The following FCHSD2 variants were observed in gnomAD, a reference collection of about 807,000 sequenced individuals.
FCHSD2 encodes F-BAR and double SH3 domains protein 2.
FCHSD2 carries 38 observed loss-of-function variants against 108.1 expected under a neutral mutation model. That is an observed-to-expected ratio of 0.35 (90% CI 0.27 to 0.46). The LOEUF is 0.46. Ranked by LOEUF, FCHSD2 falls within the 20% of genes least tolerant of loss-of-function variation. The pLI is 1.00. For synonymous variants in FCHSD2, 279 were observed against 314.7 expected (o/e 0.89, Z 1.20); for missense variants, 751 against 897.8 (o/e 0.84, Z 2.09).
intron 10 of FCHSD2, chr11:72,900,225 T>TA: frequency 2.1e-5 from 12 of 559,538 alleles, no homozygotes; most frequent in Non-Finnish European, 2.4e-5. Flanking sequence ...ACACTTCCCA[T>TA]CCCTCCCGCC....
chr11:73,031,398 G>A (rs1456453460), intron 3 of FCHSD2, among the ~76,000 whole-genome samples: 2 of 151,836 alleles, frequency 1.3e-5, no homozygotes, highest in Admixed American at 6.6e-5. Context: ...ATCACTTGAG[G>A]GCGGGAGGTG....
chr11:72,997,843 G>A (rs12288580), intron 5 of FCHSD2, among the ~76,000 whole-genome samples: 68,397 of 151,916 alleles, frequency 0.45, 16,275 homozygotes, highest in South Asian at 0.65. Flanking sequence ...TGGGACTGCA[G>A]GCATGAACCA....
intron 3 of FCHSD2, among the ~76,000 whole-genome samples, chr11:73,079,839 C>A (rs1297011286): frequency 6.6e-6 from 1 of 151,918 alleles, no homozygotes; most frequent in African/African-American, 2.4e-5. Flanking sequence ...TATAAATGGG[C>A]TCGATTTTCC....
At chr11:73,134,766 G>A (rs1055986839) in intron 2 of FCHSD2, among the ~76,000 whole-genome samples, 21 of 152,194 alleles carry the variant, frequency 1.4e-4, no homozygotes, top group African/African-American at 2.4e-4. Flanking sequence ...GGAGCTGATC[G>A]ACAGCTCAAT....
intron 9 of FCHSD2, among the ~76,000 whole-genome samples, chr11:72,909,643 G>A (rs987882349): frequency 7.5e-5 from 11 of 146,464 alleles, no homozygotes; most frequent in South Asian, 2.2e-4. Flanking sequence ...GCCTCTGGCC[G>A]GCCGCCACCC....
intron 4 of FCHSD2, among the ~76,000 whole-genome samples, chr11:73,011,793 C>T (rs1417569631): frequency 2.6e-5 from 4 of 152,216 alleles, no homozygotes; most frequent in African/African-American, 9.6e-5. Flanking sequence ...CCCACCTGAA[C>T]AGGCTACCTT....
intron 3 of FCHSD2, among the ~76,000 whole-genome samples, chr11:73,081,478 TA>T (rs1859684135): frequency 6.6e-6 from 1 of 152,144 alleles, no homozygotes; most frequent in Non-Finnish European, 1.5e-5. Context: ...CTGTATCATA[TA>T]AAAATTTTGA....
chr11:72,902,759 T>TA, intron 9 of FCHSD2, 121 bp from the exon 10 acceptor site: 1 of 597,016 alleles, frequency 1.7e-6, no homozygotes, highest in South Asian at 2.4e-5. Flanking sequence ...AACACTGTGG[T>TA]AAAAAAGAAA....
At chr11:72,942,942 G>T (rs1856449258) in intron 8 of FCHSD2, among the ~76,000 whole-genome samples, 1 of 152,056 alleles carries the variant, frequency 6.6e-6, no homozygotes. Flanking sequence ...CCAAAGTGCT[G>T]GGATTATAGG....
Position 72,889,850 on chromosome 11 carries a change from T to C in FCHSD2, c.1020A>G (p.Lys340=). Residue 340 remains lysine, a synonymous_variant, in exon 11 of 20, where the codon AAA becomes AAG. Coordinates refer to ENST00000409418, the MANE Select transcript of FCHSD2 (RefSeq NM_014824.3). ...KWATRVAREH[K]NIVHQQRVLN... ...TTACCCGTTGTTGGTGAACAATGTT[T>C]TTATGCTCACGTGCCACACGTGTGG... is the stretch of plus-strand genomic sequence containing the variant. The C allele has an allele frequency of 6.2e-7, 1 of 1,610,260 alleles. No homozygotes were observed. The highest frequency in any genetic ancestry group is 8.5e-7 in the Non-Finnish European group (1 of 1,176,534).
rs912552822 is a variant in FCHSD2 at position 73,030,206 on chromosome 11, G to A, written c.166-14321C>T. Reference sequence around the variant, plus strand: ...GCTTAGTTCCTATGTATATGTATGCGTGTGTGGGTAATCACAGTATCTTGT... The same window carrying A: ...GCTTAGTTCCTATGTATATGTATGCATGTGTGGGTAATCACAGTATCTTGT... On this transcript the variant is annotated intron_variant, in intron 3 of 19. Transcript: ENST00000409418. 5.9e-5 allele frequency among the ~76,000 whole-genome samples: 9 copies of A among 152,274 alleles called. No individual in the cohort carries two copies. In the South Asian group the frequency reaches 8.3e-4, roughly 14 times the overall value.
chr11:72,899,735 T>TAAAAAAA (rs10674308), intron 10 of FCHSD2, among the ~76,000 whole-genome samples: 19 of 72,718 alleles, frequency 2.6e-4, no homozygotes, highest in Non-Finnish European at 4.3e-4. Context: ...GACCCTATCT[T>TAAAAAAA]AAAAAAAAAA....
chr11:73,128,122 C>T (rs1275627953), intron 2 of FCHSD2, among the ~76,000 whole-genome samples: 4 of 151,900 alleles, frequency 2.6e-5, no homozygotes, highest in African/African-American at 7.3e-5. Flanking sequence ...GAGGAGAATC[C>T]TAAGAGGCCA....
At chr11:73,023,470 A>G (rs1858155129) in intron 3 of FCHSD2, among the ~76,000 whole-genome samples, 1 of 152,216 alleles carries the variant, frequency 6.6e-6, no homozygotes, top group Non-Finnish European at 1.5e-5. Flanking sequence ...CGGAAATGCA[A>G]ACTAAAATAA....
intron 10 of FCHSD2, among the ~76,000 whole-genome samples, chr11:72,901,100 T>G (rs999986864): frequency 4.6e-5 from 7 of 152,170 alleles, no homozygotes; most frequent in Non-Finnish European, 8.8e-5. Flanking sequence ...TTTAAACAAT[T>G]GCCAATTGGG....
At chr11:72,839,752 T>C (rs2135146050) in intron 19 of FCHSD2, among the ~76,000 whole-genome samples, 1 of 152,238 alleles carries the variant, frequency 6.6e-6, no homozygotes, top group South Asian at 2.1e-4. Flanking sequence ...AACTGAGATA[T>C]CCACACATCT....
chr11:72,927,992 G>A (rs1477322714), intron 8 of FCHSD2, among the ~76,000 whole-genome samples: 1 of 152,120 alleles, frequency 6.6e-6, no homozygotes, highest in Non-Finnish European at 1.5e-5. Flanking sequence ...TTTATAATTA[G>A]GGAAAGTGGG....
rs1861239618 is a variant in FCHSD2 at position 72,850,014 on chromosome 11, A to G, written c.1309-125T>C. 4.7e-6 allele frequency: 3 copies of G among 632,152 alleles called. No homozygotes were observed. The African/African-American group carries it at 5.6e-5, about 12-fold the overall frequency. The allele number at this position is 632,152 out of a possible 1,614,324, so 39.2% of individuals were successfully genotyped here. On this transcript the variant is annotated intron_variant, in intron 13 of 19. Coordinates refer to ENST00000409418, the MANE Select transcript of FCHSD2 (RefSeq NM_014824.3). Reference sequence around the variant, plus strand: ...TGCCTTTTAACTCTGCATAGAAATGACTATCTTTCGCACTTACATTTTTCA... The same window carrying G: ...TGCCTTTTAACTCTGCATAGAAATGGCTATCTTTCGCACTTACATTTTTCA...
intron 3 of FCHSD2, among the ~76,000 whole-genome samples, chr11:73,038,500 G>A (rs188194080): frequency 4.3e-4 from 65 of 152,226 alleles, no homozygotes; most frequent in African/African-American, 5.5e-4. Context: ...CATATACAGC[G>A]TGGATACTAT....
Sources: allele counts gnomAD v4.1 joint callset (sites outside exome capture counted in the v4.1 genomes callset), GRCh38; gene constraint gnomAD v4.1.1; transcripts MANE v1.5; gene names NCBI Gene and HGNC (gene_info 2026-07-23, HGNC 2026-07-21).